Variants in WDPCP observed in about 807,000 individuals in gnomAD.
The protein encoded by WDPCP is WD repeat-containing and planar cell polarity effector protein fritz homolog.
A neutral mutation model predicts 93.1 loss-of-function variants in WDPCP; 71 were observed. The observed-to-expected ratio is 0.76, with a 90% CI of 0.63 to 0.93. The LOEUF is 0.93. WDPCP is among the 40% of genes least tolerant of loss of function. WDPCP has a pLI of 0.00. For synonymous variants in WDPCP, 315 were observed against 315.0 expected, an observed-to-expected ratio of 1.00 and a Z score of 0.00; for missense variants, 844 against 887.4, an observed-to-expected ratio of 0.95 and a Z score of 0.62.
chr2:63,560,302 A>G (rs550144044), intron 1 of WDPCP, among the ~76,000 whole-genome samples: 1 of 152,304 alleles, frequency 6.6e-6, no homozygotes, highest in South Asian at 2.1e-4. Context: ...CCTAAGCAAA[A>G]AGAACAAAGC....
At chr2:63,702,802 T>A (rs562407701) in intron 2 of WDPCP, among the ~76,000 whole-genome samples, 6 of 151,922 alleles carry the variant, frequency 3.9e-5, no homozygotes, top group Non-Finnish European at 8.8e-5. Flanking sequence ...ACATGTGACA[T>A]GTTGGTGTGC....
intron 6 of WDPCP, among the ~76,000 whole-genome samples, chr2:63,467,007 A>G (rs149065933): frequency 2.6e-4 from 40 of 152,342 alleles, no homozygotes; most frequent in Non-Finnish European, 4.6e-4. Context: ...ACAAAGATAT[A>G]TTATTAAAAA....
chr2:63,591,603 T>G (rs1709202996), upstream of WDPCP, among the ~76,000 whole-genome samples: 1 of 152,232 alleles, frequency 6.6e-6, no homozygotes, highest in Admixed American at 6.5e-5. Context: ...TCAGCCCCCC[T>G]TTTCTTATCC....
intron 14 of WDPCP, among the ~76,000 whole-genome samples, chr2:63,224,341 C>A (rs1380144702): frequency 8.6e-5 from 13 of 152,042 alleles, no homozygotes; most frequent in Middle Eastern, 6.8e-3. Context: ...TGCTTCCTTA[C>A]AAAACTAAAC....
rs369250626 is a variant in WDPCP at position 63,661,860 on chromosome 2, G to T, written n.309-11022C>A. Among the ~76,000 whole-genome samples, 21 of 152,254 alleles carry T rather than the reference G, an allele frequency of 1.4e-4. 1 individual carries two copies. In the South Asian group the frequency reaches 4.2e-3, roughly 30 times the overall value. ...CTTGATTGATGAACAGGACCTTGATGAATGGAAGTCAGTAAGGGGAGCTTC... is the reference window on the plus strand; with the variant it reads ...CTTGATTGATGAACAGGACCTTGATTAATGGAAGTCAGTAAGGGGAGCTTC... On this transcript the variant is annotated intron_variant and non_coding_transcript_variant, in intron 2 of 4. Transcript: ENST00000467687.
chr2:63,644,071 A>G, intron 3 of WDPCP: 1 of 363,332 alleles, frequency 2.8e-6, no homozygotes, highest in Non-Finnish European at 5.4e-6. Context: ...AGAAAGAGTG[A>G]TGAATGATCT....
chr2:63,367,962 A>G (rs959918390), intron 12 of WDPCP, among the ~76,000 whole-genome samples: 5 of 152,222 alleles, frequency 3.3e-5, no homozygotes, highest in Non-Finnish European at 7.3e-5. Context: ...GCCCACAAAC[A>G]ATGTGATCTT....
rs1392677471 is a variant in WDPCP, at chr2:63,336,672, C to T, written c.1749-23361G>A. Among the ~76,000 whole-genome samples the T allele has an allele frequency of 2.0e-5, 3 of 151,966 alleles. No homozygotes were observed. The East Asian group carries it at 5.8e-4, about 29-fold the overall frequency. The stretch of plus-strand genomic sequence containing the variant: ...CTTATGTTGAAATGCCCTTGTATTC[C>T]TGTGATAAATCTACCCATTAGGTTG... On this transcript the variant is annotated intron_variant, in intron 12 of 17. Coordinates refer to ENST00000272321, the MANE Select transcript of WDPCP (RefSeq NM_015910.7).
At chr2:63,162,600 AAGT>A (rs1269130285) in intron 15 of WDPCP, among the ~76,000 whole-genome samples, 2 of 152,194 alleles carry the variant, frequency 1.3e-5, no homozygotes, top group Non-Finnish European at 1.5e-5. Context: ...CTGAGTTTAC[AAGT>A]AGTTAACTTA....
chr2:63,156,515 C>T (rs764442805), intron 15 of WDPCP, among the ~76,000 whole-genome samples: 2 of 151,872 alleles, frequency 1.3e-5, no homozygotes, highest in Non-Finnish European at 2.9e-5. Context: ...GCAGGCAGAT[C>T]GCCTGAGTTC....
intron 1 of WDPCP, among the ~76,000 whole-genome samples, chr2:63,528,375 T>A (rs1703524235): frequency 2.0e-5 from 3 of 152,232 alleles, no homozygotes; most frequent in Admixed American, 2.0e-4. Flanking sequence ...CTTTAATCCA[T>A]CTTGAATTAA....
At chr2:63,685,046 C>T (rs1459404464) in intron 2 of WDPCP, among the ~76,000 whole-genome samples, 2 of 151,914 alleles carry the variant, frequency 1.3e-5, no homozygotes, top group Non-Finnish European at 2.9e-5. Flanking sequence ...AATAACAATG[C>T]ATCATAAAGA....
At chr2:63,595,328 G>A (rs1381002498) in intron 3 of WDPCP, 2 of 775,878 alleles carry the variant, frequency 2.6e-6, no homozygotes, top group South Asian at 1.4e-5. Context: ...GGAATTACAT[G>A]CATGTACATA....
chr2:63,524,652 G>A (rs1558753356), intron 1 of WDPCP, among the ~76,000 whole-genome samples: 3 of 152,040 alleles, frequency 2.0e-5, no homozygotes, highest in African/African-American at 2.4e-5. Context: ...TGAAAACCAC[G>A]GAAGACAACC....
chr2:63,815,867 T>C (rs1337764158), intron 1 of WDPCP, among the ~76,000 whole-genome samples: 1 of 151,624 alleles, frequency 6.6e-6, no homozygotes, highest in African/African-American at 2.4e-5. Context: ...AAACTGTCTT[T>C]GTTTTGTTGT....
chr2:63,655,033 G>C (rs909776744), intron 2 of WDPCP, among the ~76,000 whole-genome samples: 3 of 152,102 alleles, frequency 2.0e-5, no homozygotes, highest in Non-Finnish European at 4.4e-5. Context: ...TGAGAGACTA[G>C]AGAATCACTC....
chr2:63,499,415 A>C (rs1362850658), intron 1 of WDPCP, among the ~76,000 whole-genome samples: 6 of 152,218 alleles, frequency 3.9e-5, no homozygotes, highest in Admixed American at 3.3e-4. Flanking sequence ...TAGGTAGCTA[A>C]TTAGGAACAA....
At chr2:63,539,028 C>T (rs1704516260) in intron 1 of WDPCP, among the ~76,000 whole-genome samples, 1 of 152,132 alleles carries the variant, frequency 6.6e-6, no homozygotes, top group Admixed American at 6.6e-5. Flanking sequence ...CTTTGCAATT[C>T]TTGAATCCAA....
chr2:63,631,861 G>C (rs938610747), intron 3 of WDPCP, among the ~76,000 whole-genome samples: 2 of 152,200 alleles, frequency 1.3e-5, no homozygotes, highest in African/African-American at 4.8e-5. Context: ...CAGACTCTGT[G>C]CAGCTTTCAC....
Sources: gnomAD v4.1 joint callset for allele counts (sites outside exome capture counted in the v4.1 genomes callset) on GRCh38, gnomAD v4.1.1 for gene constraint, MANE v1.5 for transcripts, NCBI Gene and HGNC (gene_info 2026-07-23, HGNC 2026-07-21) for gene names.